CCDC138: variants seen among roughly 807,000 people sequenced by gnomAD.
The protein encoded by CCDC138 is coiled-coil domain containing 138.
A neutral mutation model predicts 82.3 loss-of-function variants in CCDC138; 66 were observed. The observed-to-expected ratio is 0.80, with a 90% CI of 0.66 to 0.98. CCDC138 has a LOEUF of 0.98. Among genes scored for constraint, CCDC138 ranks in the 50% least tolerant of loss-of-function variants. CCDC138 has a pLI of 0.00. For synonymous variants in CCDC138, 297 were observed against 265.4 expected, an observed-to-expected ratio of 1.12 and a Z score of -1.16; for missense variants, 816 against 758.9, an observed-to-expected ratio of 1.08 and a Z score of -0.88.
rs539112362 is a variant in CCDC138, at chr2:108,798,693, C to T, written c.735+107C>T. 3.7e-5 allele frequency: 28 copies of T among 757,274 alleles called. No individual in the cohort carries two copies. In the East Asian group the frequency reaches 6.2e-4, roughly 17 times the overall value. 46.9% of individuals were successfully genotyped at this position (757,274 alleles called of 1,614,324 possible). A position where few individuals can be genotyped will look rare whatever the true frequency, so the allele number is the denominator to read the frequency against. ...TTTGCTTATTTCTCCTTCCCTTCCT[C>T]CTCCTCTCCACGCCTACACACACAC... On this transcript the variant is annotated intron_variant, in intron 6 of 14. Transcript: ENST00000295124.
At chr2:108,879,626 T>C (rs545284543), downstream of CCDC138, among the ~76,000 whole-genome samples, 42 of 152,338 alleles carry the variant, frequency 2.8e-4, no homozygotes, top group Non-Finnish European at 4.0e-4. Context: ...GCTAAGTTTT[T>C]AGTATATTAT....
chr2:108,811,479 G>A (rs972374646), intron 7 of CCDC138, among the ~76,000 whole-genome samples: 1 of 151,988 alleles, frequency 6.6e-6, no homozygotes, highest in Non-Finnish European at 1.5e-5. Context: ...CTGGGCTCAA[G>A]TGATCCTCCT....
chr2:108,790,790 GC>G (rs1679782562), intron 3 of CCDC138, among the ~76,000 whole-genome samples: 1 of 152,150 alleles, frequency 6.6e-6, no homozygotes, highest in Non-Finnish European at 1.5e-5. Flanking sequence ...CGAGCCTGTT[GC>G]CCAGGCTGTG....
chr2:108,874,803 C>G (rs1695779760), intron 14 of CCDC138, among the ~76,000 whole-genome samples: 1 of 152,072 alleles, frequency 6.6e-6, no homozygotes, highest in Non-Finnish European at 1.5e-5. Context: ...GCAGACTATA[C>G]CGTGATTCTC....
At chr2:108,850,605 C>T (rs902527770) in intron 12 of CCDC138, among the ~76,000 whole-genome samples, 1 of 152,090 alleles carries the variant, frequency 6.6e-6, no homozygotes, top group Admixed American at 6.6e-5. Context: ...GCACGCACCA[C>T]CACACCCTGC....
At chr2:108,832,557 G>T (rs557987442) in intron 10 of CCDC138, among the ~76,000 whole-genome samples, 5 of 152,102 alleles carry the variant, frequency 3.3e-5, no homozygotes, top group Non-Finnish European at 5.9e-5. Flanking sequence ...TTGTTGGTCA[G>T]GCTGGTCTGG....
chr2:108,884,429 T>A (rs1282611981), intron 2 of CCDC138: 1 of 152,194 alleles, frequency 6.6e-6, no homozygotes, highest in Non-Finnish European at 1.5e-5. Flanking sequence ...GGAGCATCCT[T>A]TGTGAGAAAA....
At chr2:108,846,631 T>C in intron 11 of CCDC138, 107 bp from the exon 12 acceptor site, 2 of 877,406 alleles carry the variant, frequency 2.3e-6, no homozygotes, top group Non-Finnish European at 3.5e-6. Flanking sequence ...GAGCCATGAT[T>C]GCGCTACTGC....
chr2:108,814,734 C>T (rs1427851968), intron 9 of CCDC138, among the ~76,000 whole-genome samples: 1 of 148,522 alleles, frequency 6.7e-6, no homozygotes, highest in South Asian at 2.1e-4. Flanking sequence ...AGTGGTGCAA[C>T]CTTTGCCTTC....
chr2:108,818,250 T>G (rs1468557160), intron 10 of CCDC138, among the ~76,000 whole-genome samples: 2 of 152,102 alleles, frequency 1.3e-5, no homozygotes, highest in Non-Finnish European at 2.9e-5. Context: ...GAGGCTGCAG[T>G]GAGCCGTGAT....
intron 3 of CCDC138, 37 bp from the exon 4 acceptor site, chr2:108,791,638 A>G: frequency 6.3e-7 from 1 of 1,590,046 alleles, no homozygotes; most frequent in Non-Finnish European, 8.6e-7. Context: ...GCTATAGTAA[A>G]CTTCTAGATT....
At chr2:108,810,464 AT>A (rs1370412908) in intron 7 of CCDC138, among the ~76,000 whole-genome samples, 2 of 152,120 alleles carry the variant, frequency 1.3e-5, no homozygotes, top group Admixed American at 6.6e-5. Flanking sequence ...TGATTATCAC[AT>A]TTTTTTATTT....
chr2:108,865,342 T>G (rs1440276788), intron 13 of CCDC138, among the ~76,000 whole-genome samples: 1 of 152,152 alleles, frequency 6.6e-6, no homozygotes, highest in East Asian at 1.9e-4. Flanking sequence ...GGGAGCTTAT[T>G]TGGTAGTAGT....
intron 12 of CCDC138, among the ~76,000 whole-genome samples, chr2:108,852,751 A>G (rs1230369389): frequency 6.6e-6 from 1 of 152,130 alleles, no homozygotes; most frequent in Non-Finnish European, 1.5e-5. Context: ...GGCCTATCAG[A>G]GGGTGGGAGG....
intron 7 of CCDC138, among the ~76,000 whole-genome samples, chr2:108,809,126 A>G (rs1683334559): frequency 6.6e-6 from 1 of 152,106 alleles, no homozygotes; most frequent in Non-Finnish European, 1.5e-5. Flanking sequence ...AGTTGGCTGT[A>G]AATGTGTGGA....
chr2:108,866,776 G>A (rs370432489), intron 13 of CCDC138, among the ~76,000 whole-genome samples: 3 of 151,860 alleles, frequency 2.0e-5, no homozygotes, highest in Non-Finnish European at 2.9e-5. Flanking sequence ...CCAGTTACTC[G>A]GGAGACTGAG....
At chr2:108,843,879 T>TGTGTGTGTGTG (rs70956281) in intron 11 of CCDC138, among the ~76,000 whole-genome samples, 1 of 126,204 alleles carries the variant, frequency 7.9e-6, no homozygotes, top group African/African-American at 2.7e-5. Flanking sequence ...TGTGTGTGTG[T>TGTGTGTGTGTG]TTCTTTCTTT....
intron 11 of CCDC138, among the ~76,000 whole-genome samples, chr2:108,843,886 CTTTTTTTTTTTT>C (rs57196170): frequency 1.1e-5 from 1 of 94,016 alleles, no homozygotes; most frequent in African/African-American, 5.3e-5. Context: ...GTGTTTCTTT[CTTTTTTTTTTTT>C]TTTTTTTTTT....
chr2:108,874,907 T>C (rs1695800561), intron 14 of CCDC138, among the ~76,000 whole-genome samples: 1 of 132,668 alleles, frequency 7.5e-6, no homozygotes, highest in Admixed American at 8.9e-5. Context: ...TCTTTTTTAC[T>C]TCTTAATTCA....
Sources: allele counts gnomAD v4.1 joint callset (sites outside exome capture counted in the v4.1 genomes callset), GRCh38; gene constraint gnomAD v4.1.1; transcripts MANE v1.5; gene names NCBI Gene and HGNC (gene_info 2026-07-23, HGNC 2026-07-21).